The following RABGAP1L variants were observed in gnomAD, a reference collection of about 807,000 sequenced individuals.
The protein encoded by RABGAP1L is rab GTPase-activating protein 1-like.
Under a neutral mutation model 137.7 loss-of-function variants are expected in RABGAP1L, and 63 were observed. The ratio of observed to expected loss-of-function variants is 0.46; its 90% CI spans 0.37 to 0.56. The LOEUF is 0.56. Ranked by LOEUF, RABGAP1L falls within the 20% of genes least tolerant of loss-of-function variation. The pLI is 0.00. For synonymous variants in RABGAP1L, 431 were observed against 433.7 expected (o/e 0.99, Z 0.08); for missense variants, 1,095 against 1,244.0 (o/e 0.88, Z 1.80).
intron 19 of RABGAP1L, among the ~76,000 whole-genome samples, chr1:174,925,535 G>T (rs1662641131): frequency 6.6e-6 from 1 of 152,014 alleles, no homozygotes; most frequent in Non-Finnish European, 1.5e-5. Context: ...AAGCGAGCCA[G>T]GTAGGGGAGG....
chr1:174,656,407 G>A (rs1271805910), intron 14 of RABGAP1L, among the ~76,000 whole-genome samples: 1 of 152,160 alleles, frequency 6.6e-6, no homozygotes, highest in Admixed American at 6.5e-5. Flanking sequence ...GCAGAGAGCC[G>A]AGATCATGCC....
At chr1:174,656,062 A>G (rs1447737615) in intron 14 of RABGAP1L, among the ~76,000 whole-genome samples, 1 of 152,228 alleles carries the variant, frequency 6.6e-6, no homozygotes, top group Non-Finnish European at 1.5e-5. Context: ...TAAGGAATCT[A>G]TATGTATATA....
intron 13 of RABGAP1L, among the ~76,000 whole-genome samples, chr1:174,470,576 G>A (rs1657802897): frequency 1.3e-5 from 2 of 152,056 alleles, no homozygotes; most frequent in Admixed American, 1.3e-4. Flanking sequence ...AGACCAGCCT[G>A]GCCAACATGG....
intron 1 of RABGAP1L, among the ~76,000 whole-genome samples, chr1:174,163,307 A>T (rs1352548004): frequency 6.6e-6 from 1 of 152,230 alleles, no homozygotes; most frequent in Non-Finnish European, 1.5e-5. Context: ...TAATGAATTA[A>T]GAAGAGCTTG....
intron 13 of RABGAP1L, chr1:174,449,267 A>G (rs956882581): frequency 2.3e-6 from 3 of 1,300,434 alleles, no homozygotes; most frequent in African/African-American, 3.0e-5. Context: ...TCATCTGGAA[A>G]TTTGCCATCA....
intron 19 of RABGAP1L, among the ~76,000 whole-genome samples, chr1:174,939,247 T>C (rs1665417679): frequency 6.6e-6 from 1 of 152,188 alleles, no homozygotes; most frequent in Admixed American, 6.5e-5. Context: ...ATGTTTGTTC[T>C]ATCCAAGATT....
At chr1:174,694,243 C>T (rs1412634239) in intron 15 of RABGAP1L, among the ~76,000 whole-genome samples, 2 of 151,462 alleles carry the variant, frequency 1.3e-5, no homozygotes, top group Non-Finnish European at 2.9e-5. Flanking sequence ...TACATGTGCA[C>T]AATGTGCAGG....
intron 11 of RABGAP1L, among the ~76,000 whole-genome samples, chr1:174,353,056 C>G (rs1283492234): frequency 6.6e-6 from 1 of 152,184 alleles, no homozygotes; most frequent in Non-Finnish European, 1.5e-5. Flanking sequence ...GGATCTCATC[C>G]ATGGCCTGTG....
intron 14 of RABGAP1L, among the ~76,000 whole-genome samples, chr1:174,678,857 C>T (rs890319009): frequency 2.6e-5 from 4 of 152,256 alleles, no homozygotes; most frequent in Admixed American, 6.5e-5. Flanking sequence ...GTGGGCGCCA[C>T]CTCACTGGAT....
At chr1:174,815,337 A>G (rs1472997771) in intron 19 of RABGAP1L, among the ~76,000 whole-genome samples, 1 of 152,248 alleles carries the variant, frequency 6.6e-6, no homozygotes, top group Non-Finnish European at 1.5e-5. Context: ...CAAAGCATTC[A>G]TGGACAAAGG....
chr1:174,963,560 GTAT>G (rs2149354561), intron 20 of RABGAP1L, among the ~76,000 whole-genome samples: 1 of 151,650 alleles, frequency 6.6e-6, no homozygotes, highest in South Asian at 2.1e-4. Context: ...TTCTGTTTAA[GTAT>G]TACTGAGAAA....
intron 14 of RABGAP1L, among the ~76,000 whole-genome samples, chr1:174,679,290 A>G (rs867333865): frequency 3.3e-5 from 5 of 152,312 alleles, no homozygotes; most frequent in Middle Eastern, 3.4e-3. Flanking sequence ...AGCTAGGCTT[A>G]GGGATTCTTA....
At chr1:174,299,404 T>C (rs1238744146) in intron 10 of RABGAP1L, among the ~76,000 whole-genome samples, 1 of 151,288 alleles carries the variant, frequency 6.6e-6, no homozygotes, top group African/African-American at 2.4e-5. Flanking sequence ...AGTTTCTCAC[T>C]GGGCTTTTAT....
Position 174,547,491 on chromosome 1 carries a change from C to G in RABGAP1L, c.1711-89884C>G, listed in dbSNP as rs547649637. Among the ~76,000 whole-genome samples the G allele has an allele frequency of 1.2e-4, 18 of 152,198 alleles. No homozygotes were observed. In the East Asian group the frequency reaches 3.5e-3, roughly 29 times the overall value. On this transcript the variant is annotated intron_variant, in intron 13 of 25. Transcript: ENST00000681986. ...AATTAGCTGGATGTGATAGTGTGTG[C>G]CTGTATGCCCAGGTACTTAGGTGGC...
At chr1:174,683,379 G>GT in intron 14 of RABGAP1L, 143 bp from the exon 15 acceptor site, 1 of 598,572 alleles carries the variant, frequency 1.7e-6, no homozygotes, top group South Asian at 2.0e-5. Flanking sequence ...TGTGCTAGTG[G>GT]TATACAGATT....
intron 19 of RABGAP1L, among the ~76,000 whole-genome samples, chr1:174,820,633 G>A (rs959451122): frequency 2.6e-5 from 4 of 152,184 alleles, no homozygotes; most frequent in South Asian, 2.1e-4. Flanking sequence ...GAAGAATGGC[G>A]GAAGAGGAGA....
At chr1:174,637,352 G>T (rs1322105478) in intron 13 of RABGAP1L, 23 bp from the exon 14 acceptor site, 5 of 1,511,170 alleles carry the variant, frequency 3.3e-6, no homozygotes, top group Non-Finnish European at 4.6e-6. Context: ...TTAATAACCA[G>T]GTCTATTTTC....
At chr1:174,550,903 C>CAT (rs1558333839) in intron 13 of RABGAP1L, among the ~76,000 whole-genome samples, 22 of 96,348 alleles carry the variant, frequency 2.3e-4, no homozygotes, top group East Asian at 7.4e-4. Context: ...TATACACACA[C>CAT]ACATATACAC....
chr1:174,972,688 A>G (rs1342803036), intron 21 of RABGAP1L, among the ~76,000 whole-genome samples: 1 of 152,028 alleles, frequency 6.6e-6, no homozygotes, highest in Non-Finnish European at 1.5e-5. Flanking sequence ...CCGAGTCTCT[A>G]TTAAAAATAC....
Sources: gnomAD v4.1 joint callset for allele counts (sites outside exome capture counted in the v4.1 genomes callset) on GRCh38, gnomAD v4.1.1 for gene constraint, MANE v1.5 for transcripts, NCBI Gene and HGNC (gene_info 2026-07-23, HGNC 2026-07-21) for gene names.